DOCK7: variants seen among roughly 807,000 people sequenced by gnomAD.
DOCK7 encodes the protein dedicator of cytokinesis 7.
DOCK7 carries 138 observed loss-of-function variants against 271.0 expected under a neutral mutation model. That is an observed-to-expected ratio of 0.51 (90% CI 0.44 to 0.59). The LOEUF (loss-of-function observed/expected upper bound fraction) is 0.59, where lower values mean the gene tolerates loss of function less well. Among genes scored for constraint, DOCK7 ranks in the 20% least tolerant of loss-of-function variants. DOCK7 has a pLI of 0.00. For synonymous variants in DOCK7, 823 were observed against 876.1 expected (o/e 0.94, Z 1.07); for missense variants, 2,066 against 2,592.4 (o/e 0.80, Z 4.41).
intron 25 of DOCK7, among the ~76,000 whole-genome samples, chr1:62,541,700 TTAG>T (rs766614590): frequency 2.6e-5 from 4 of 152,172 alleles, no homozygotes; most frequent in Non-Finnish European, 4.4e-5. Flanking sequence ...CAGTAGGCTA[TTAG>T]TAGTTAAGTT....
intron 2 of DOCK7, 112 bp downstream of exon 2, chr1:62,662,913 A>T: frequency 1.4e-6 from 1 of 716,344 alleles, no homozygotes; most frequent in Non-Finnish European, 2.2e-6. Context: ...GGTAACAAGT[A>T]AGGTTATGAG....
chr1:62,685,516 G>C (rs887308452), intron 1 of DOCK7, among the ~76,000 whole-genome samples: 16 of 152,094 alleles, frequency 1.1e-4, no homozygotes, highest in African/African-American at 3.6e-4. Flanking sequence ...ATTCTCACTG[G>C]ACAATCTCAT....
intron 28 of DOCK7, among the ~76,000 whole-genome samples, chr1:62,537,187 A>G (rs1557683043): frequency 1.3e-5 from 2 of 152,232 alleles, no homozygotes; most frequent in African/African-American, 2.4e-5. Context: ...GTCTGCTTCA[A>G]GAGAACTCAA....
At chr1:62,630,023 T>C (rs964145770) in intron 11 of DOCK7, among the ~76,000 whole-genome samples, 9 of 152,192 alleles carry the variant, frequency 5.9e-5, no homozygotes, top group Admixed American at 2.6e-4. Context: ...AAGAAGGCAG[T>C]GTATGGCAAA....
At chr1:62,645,736 C>A (rs1280520346) in intron 7 of DOCK7, among the ~76,000 whole-genome samples, 1 of 152,094 alleles carries the variant, frequency 6.6e-6, no homozygotes, top group Non-Finnish European at 1.5e-5. Flanking sequence ...TGAATTATAC[C>A]TCAATAAAGC....
intron 1 of DOCK7, among the ~76,000 whole-genome samples, chr1:62,685,975 A>G (rs1661677178): frequency 6.6e-6 from 1 of 152,166 alleles, no homozygotes; most frequent in African/African-American, 2.4e-5. Context: ...GTTTTGCACA[A>G]CTGATTCTCT....
chr1:62,575,658 T>A (rs1646922571), intron 18 of DOCK7, among the ~76,000 whole-genome samples: 1 of 152,214 alleles, frequency 6.6e-6, no homozygotes, highest in South Asian at 2.1e-4. Context: ...ATGTCACCCC[T>A]TACTGCCATG....
intron 16 of DOCK7, among the ~76,000 whole-genome samples, chr1:62,582,799 C>T (rs1647178317): frequency 6.6e-6 from 1 of 151,984 alleles, no homozygotes; most frequent in African/African-American, 2.4e-5. Context: ...GTCACTAAAT[C>T]AAAGAATTAA....
At chr1:62,470,275 G>A (rs1174897244) in intron 48 of DOCK7, among the ~76,000 whole-genome samples, 1 of 152,130 alleles carries the variant, frequency 6.6e-6, no homozygotes, top group Non-Finnish European at 1.5e-5. Context: ...CAACCTGTAC[G>A]GGATTAGAGA....
chr1:62,527,629 C>G (rs2149368931), intron 31 of DOCK7, among the ~76,000 whole-genome samples: 1 of 149,122 alleles, frequency 6.7e-6, no homozygotes, highest in Middle Eastern at 3.5e-3. Flanking sequence ...ATTGCAAGGA[C>G]AAAAAACCAA....
At chr1:62,598,850 C>A in intron 14 of DOCK7, 2 of 1,172,464 alleles carry the variant, frequency 1.7e-6, no homozygotes, top group Non-Finnish European at 2.6e-6. Context: ...TCACACAGGT[C>A]TGTAAAAACA....
Position 62,625,248 on chromosome 1 carries a change from C to T in DOCK7, c.1425+11G>A. On this transcript the variant is annotated intron_variant, in intron 12 of 49. Transcript: ENST00000635253. ...ACATCTCCCCAAAATTCCTACATGACAGAACAATACCTGCTTAAAAAAATT... is the reference window on the plus strand; with the variant it reads ...ACATCTCCCCAAAATTCCTACATGATAGAACAATACCTGCTTAAAAAAATT... The T allele has an allele frequency of 6.2e-7, 1 of 1,612,402 alleles. No homozygotes were observed. Among genetic ancestry groups the T allele is most frequent in the South Asian group, 1.1e-5 (1 of 90,722 alleles).
chr1:62,555,771 G>T, intron 21 of DOCK7, 54 bp downstream of exon 21: 1 of 1,560,938 alleles, frequency 6.4e-7, no homozygotes, highest in Non-Finnish European at 8.7e-7. Context: ...TCTCAATACT[G>T]ACATGAACAT....
chr1:62,514,000 CTTAAAAATAATATAA>C, intron 31 of DOCK7, 102 bp from the exon 32 acceptor site: 2 of 1,061,472 alleles, frequency 1.9e-6, no homozygotes, highest in Non-Finnish European at 2.7e-6. Context: ...ACAAAAGTTG[CTTAAAAATAATATAA>C]TTAAAAACCA....
chr1:62,491,007 C>T (rs556339769), intron 41 of DOCK7, among the ~76,000 whole-genome samples: 1 of 152,238 alleles, frequency 6.6e-6, no homozygotes, highest in Admixed American at 6.5e-5. Context: ...TGGAACGAGG[C>T]GCTGTGATAA....
intron 37 of DOCK7, among the ~76,000 whole-genome samples, chr1:62,499,568 T>C (rs926437949): frequency 5.3e-5 from 8 of 151,692 alleles, no homozygotes; most frequent in African/African-American, 2.0e-4. Context: ...GAAACAAATA[T>C]TTCCTCTAAG....
chr1:62,647,867 T>C (rs1656867653), intron 6 of DOCK7, 91 bp from the exon 7 acceptor site: 1 of 1,004,130 alleles, frequency 1.0e-6, no homozygotes, highest in Non-Finnish European at 1.5e-6. Context: ...ATCTAACACT[T>C]TTAGTCTTCA....
intron 14 of DOCK7, among the ~76,000 whole-genome samples, chr1:62,603,493 A>C (rs1650466987): frequency 6.6e-6 from 1 of 151,796 alleles, no homozygotes; most frequent in South Asian, 2.1e-4. Context: ...TTCTACAAAG[A>C]AAGCATACAT....
intron 31 of DOCK7, among the ~76,000 whole-genome samples, chr1:62,521,135 GA>G (rs2149355888): frequency 6.6e-6 from 1 of 152,168 alleles, no homozygotes; most frequent in East Asian, 1.9e-4. Flanking sequence ...ACAGCATTAG[GA>G]GAAATACCTA....
Sources: gnomAD v4.1 joint callset for allele counts (sites outside exome capture counted in the v4.1 genomes callset) on GRCh38, gnomAD v4.1.1 for gene constraint, MANE v1.5 for transcripts, NCBI Gene and HGNC (gene_info 2026-07-23, HGNC 2026-07-21) for gene names.